Variants in JAM2 observed in about 807,000 individuals in gnomAD.
The protein encoded by JAM2 is junctional adhesion molecule 2.
In JAM2, 17 loss-of-function variants were observed where a neutral mutation model predicts 42.0. That is an observed-to-expected ratio of 0.40 (90% CI 0.28 to 0.61). The LOEUF (loss-of-function observed/expected upper bound fraction) is 0.61. JAM2 is among the 20% of genes least tolerant of loss of function. The pLI, the probability that JAM2 is intolerant of heterozygous loss-of-function variation, is 0.37. For synonymous variants in JAM2, 118 were observed against 128.6 expected, an observed-to-expected ratio of 0.92 and a Z score of 0.56; for missense variants, 319 against 358.3, an observed-to-expected ratio of 0.89 and a Z score of 0.89.
At chr21:25,696,469 T>C (rs1601050248) in intron 4 of JAM2, among the ~76,000 whole-genome samples, 1 of 152,172 alleles carries the variant, frequency 6.6e-6, no homozygotes, top group East Asian at 1.9e-4. Context: ...ATGCTCCTTC[T>C]GAAATACTAG....
At chr21:25,709,033 G>C (rs2034330026) in intron 7 of JAM2, among the ~76,000 whole-genome samples, 1 of 152,074 alleles carries the variant, frequency 6.6e-6, no homozygotes, top group Non-Finnish European at 1.5e-5. Flanking sequence ...CAATCTATTT[G>C]ATGATAGGGC....
chr21:25,675,617 A>T (rs1223691101), intron 1 of JAM2, among the ~76,000 whole-genome samples: 9 of 118,436 alleles, frequency 7.6e-5, no homozygotes, highest in Non-Finnish European at 1.6e-4. Context: ...GGAGGGAGGG[A>T]GGGAGGGAAG....
In JAM2 at chr21:25,639,595, A is replaced by T. The variant is rs1360526949; in HGVS notation, c.-227A>T. 8.1e-6 allele frequency: 4 copies of T among 495,754 alleles called. No individual in the cohort carries two copies. Among genetic ancestry groups the T allele is most frequent in the African/African-American group, 2.0e-5 (1 of 48,828 alleles). The allele number at this position is 495,754 out of a possible 1,614,324, so 30.7% of individuals were successfully genotyped here. A position where few individuals can be genotyped will look rare whatever the true frequency, so the allele number is the denominator to read the frequency against. ...CCCTACCCCCACACCCCCAAAACAG[A>T]ACAGACCCCCATCCCTGGGCTGGAG... On this transcript the variant is annotated 5_prime_UTR_variant, in exon 1 of 10. Transcript: ENST00000480456.
chr21:25,689,810 A>G (rs2033835310), intron 2 of JAM2, 56 bp from the exon 3 acceptor site: 9 of 1,146,686 alleles, frequency 7.8e-6, no homozygotes, highest in South Asian at 7.7e-5. Flanking sequence ...CTAGTTAAGT[A>G]AAATATAAAT....
chr21:25,647,098 G>T (rs555652678), intron 1 of JAM2, among the ~76,000 whole-genome samples: 1 of 152,144 alleles, frequency 6.6e-6, no homozygotes, highest in East Asian at 1.9e-4. Flanking sequence ...TTTACTCTTC[G>T]CTTTCTTCAC....
intron 1 of JAM2, among the ~76,000 whole-genome samples, chr21:25,671,272 A>T (rs2154471): frequency 0.87 from 132,622 of 152,054 alleles, 59,323 homozygotes; most frequent in Non-Finnish European, 0.96. Flanking sequence ...GTGGAGTGGG[A>T]TATTAGTTCC....
chr21:25,695,731 G>A (rs1481836870), intron 4 of JAM2, among the ~76,000 whole-genome samples: 33 of 151,242 alleles, frequency 2.2e-4, no homozygotes, highest in Admixed American at 2.2e-3. Flanking sequence ...GCCAGGCGGA[G>A]GGGCTCCTCA....
intron 1 of JAM2, among the ~76,000 whole-genome samples, chr21:25,651,077 A>C (rs1006955166): frequency 1.5e-5 from 2 of 134,386 alleles, no homozygotes; most frequent in African/African-American, 5.5e-5. Flanking sequence ...AAAAAAAAAA[A>C]AAAAAACAAA....
Position 25,639,852 on chromosome 21 carries a change from C to T in JAM2, c.31C>T (p.Leu11=). The change falls in exon 1 of 10, where the codon CTG becomes TTG. Residue 11 remains leucine (L), a synonymous_variant. Coordinates refer to ENST00000480456, the MANE Select transcript of JAM2 (RefSeq NM_021219.4). ...GAGGAGGAGCCGCCACCGCCTCCTC[C>T]TGCTGCTGCTGCGCTACCTGGTGGT... MARRSRHRLL[L]LLLRYLVVAL... is the part of the protein sequence containing the mutation. 6.3e-7 allele frequency: 1 copy of T among 1,582,524 alleles called. No individual in the cohort carries two copies. The highest frequency in any genetic ancestry group is 8.6e-7 in the Non-Finnish European group (1 of 1,164,530).
chr21:25,656,740 CTTAATT>C (rs1261386225), intron 1 of JAM2, among the ~76,000 whole-genome samples: 10 of 152,154 alleles, frequency 6.6e-5, no homozygotes, highest in African/African-American at 2.4e-4. Flanking sequence ...TCCTTTGCGT[CTTAATT>C]TTAGAGTGGA....
chr21:25,699,475 C>A (rs2034112840), intron 5 of JAM2, among the ~76,000 whole-genome samples: 2 of 152,106 alleles, frequency 1.3e-5, no homozygotes, highest in Admixed American at 6.5e-5. Context: ...GTAATCCCAG[C>A]ACTTTGGGAG....
intron 1 of JAM2, among the ~76,000 whole-genome samples, chr21:25,670,921 A>G (rs548982457): frequency 1.3e-5 from 2 of 152,334 alleles, no homozygotes; most frequent in East Asian, 1.9e-4. Context: ...TGAAGCAACA[A>G]TGGCTGGGAA....
intron 1 of JAM2, among the ~76,000 whole-genome samples, chr21:25,679,351 G>A (rs763664097): frequency 9.9e-5 from 15 of 152,126 alleles, no homozygotes; most frequent in Admixed American, 2.6e-4. Flanking sequence ...ATGGTTCTTT[G>A]CCATTCTTTA....
intron 1 of JAM2, among the ~76,000 whole-genome samples, chr21:25,649,470 T>C (rs988412039): frequency 1.3e-5 from 2 of 152,152 alleles, no homozygotes; most frequent in Admixed American, 1.3e-4. Context: ...AAAGAAAGCA[T>C]GGAGGTAACC....
intron 2 of JAM2, among the ~76,000 whole-genome samples, chr21:25,688,690 T>C (rs2033810134): frequency 6.6e-6 from 1 of 152,236 alleles, no homozygotes. Flanking sequence ...CTACTTTCTA[T>C]TTTCCATTAC....
chr21:25,684,610 T>C (rs2033709213), intron 2 of JAM2, among the ~76,000 whole-genome samples: 1 of 152,180 alleles, frequency 6.6e-6, no homozygotes, highest in African/African-American at 2.4e-5. Context: ...TTGTTTTGCT[T>C]TATTTTGTTT....
At chr21:25,660,782 ATT>A (rs869192568) in intron 1 of JAM2, among the ~76,000 whole-genome samples, 22 of 41,298 alleles carry the variant, frequency 5.3e-4, no homozygotes, top group African/African-American at 2.3e-3. Flanking sequence ...ATATATATAT[ATT>A]TTTTTTTTTT....
At chr21:25,692,859 A>G (rs146461867) in intron 3 of JAM2, among the ~76,000 whole-genome samples, 3 of 152,316 alleles carry the variant, frequency 2.0e-5, no homozygotes, top group African/African-American at 7.2e-5. Context: ...CTGCTTACCT[A>G]GAAAGTAAAT....
intron 1 of JAM2, among the ~76,000 whole-genome samples, chr21:25,683,121 G>A (rs1444584860): frequency 3.4e-5 from 5 of 148,750 alleles, no homozygotes; most frequent in African/African-American, 5.0e-5. Flanking sequence ...CTGAGGGTGG[G>A]GCCTTTGCCA....
Sources: gnomAD v4.1 joint callset for allele counts (sites outside exome capture counted in the v4.1 genomes callset) on GRCh38, gnomAD v4.1.1 for gene constraint, MANE v1.5 for transcripts, NCBI Gene and HGNC (gene_info 2026-07-23, HGNC 2026-07-21) for gene names.